Variants in METTL21A observed in about 807,000 individuals in gnomAD.
METTL21A encodes protein N-lysine methyltransferase METTL21A.
Under a neutral mutation model 20.9 loss-of-function variants are expected in METTL21A, and 22 were observed. The observed-to-expected ratio is 1.05, with a 90% CI of 0.75 to 1.50. The LOEUF is 1.50. Ranked by LOEUF, METTL21A falls within the 40% of genes most tolerant of loss-of-function variation. METTL21A has a pLI of 0.00. For missense variants in METTL21A, 271 were observed against 266.8 expected, an observed-to-expected ratio of 1.02 and a Z score of -0.11; for synonymous variants, 93 against 102.0, an observed-to-expected ratio of 0.91 and a Z score of 0.53.
chr2:207,621,898 T>C (rs770484018), exon 3 of METTL21A: 1 of 1,614,066 alleles, frequency 6.2e-7, no homozygotes, highest in Non-Finnish European at 8.5e-7. Flanking sequence ...CATCTCCAGG[T>C]ATGTGGAAAG....
chr2:207,583,073 G>A (rs1396185977), intron 3 of METTL21A, among the ~76,000 whole-genome samples: 7 of 151,868 alleles, frequency 4.6e-5, no homozygotes, highest in African/African-American at 1.7e-4. Flanking sequence ...AAATAAAAAA[G>A]TAACCTAGTA....
downstream of METTL21A, chr2:207,581,208 A>C (rs1439523472): frequency 9.7e-6 from 2 of 205,658 alleles, no homozygotes; most frequent in African/African-American, 4.6e-5. Flanking sequence ...TTAACAAATA[A>C]TGTCAGAAGA....
chr2:207,594,528 T>C (rs2085738070), intron 3 of METTL21A, among the ~76,000 whole-genome samples: 1 of 152,198 alleles, frequency 6.6e-6, no homozygotes, highest in Admixed American at 6.5e-5. Flanking sequence ...AAGGTTCATC[T>C]ACGTTTTGGC....
chr2:207,585,436 G>T (rs2083648471), intron 3 of METTL21A, among the ~76,000 whole-genome samples: 1 of 152,088 alleles, frequency 6.6e-6, no homozygotes, highest in South Asian at 2.1e-4. Context: ...TACAGTAAAA[G>T]TCTTTCTCTA....
chr2:207,620,033 T>C (rs528587880), intron 3 of METTL21A, among the ~76,000 whole-genome samples: 35 of 152,344 alleles, frequency 2.3e-4, no homozygotes, highest in African/African-American at 8.2e-4. Context: ...AACATGTCTA[T>C]ACACCAGCCA....
At chr2:207,610,881 C>T (rs1483247102), downstream of METTL21A, 1 of 24,934 alleles carries the variant, frequency 4.0e-5, no homozygotes, top group African/African-American at 1.6e-4. Flanking sequence ...AGTGAGGAGC[C>T]CCTCTGCCCG....
At chr2:207,586,637 A>T (rs571583000) in intron 3 of METTL21A, among the ~76,000 whole-genome samples, 1 of 152,334 alleles carries the variant, frequency 6.6e-6, no homozygotes, top group South Asian at 2.1e-4. Context: ...GAATGGGAGG[A>T]ATATTTACAA....
chr2:207,593,909 G>A (rs1482559651), intron 3 of METTL21A, among the ~76,000 whole-genome samples: 1 of 151,980 alleles, frequency 6.6e-6, no homozygotes, highest in Non-Finnish European at 1.5e-5. Context: ...AGTAGAGACA[G>A]AGTTTCGCCA....
chr2:207,592,421 T>A (rs2085225167), intron 3 of METTL21A, among the ~76,000 whole-genome samples: 2 of 150,430 alleles, frequency 1.3e-5, no homozygotes, highest in African/African-American at 2.4e-5. Context: ...TAAAAAAAGA[T>A]GTCACTTTTT....
In METTL21A at chr2:207,591,210, GGA is replaced by G. The variant is rs113355586; in HGVS notation, c.260-9052_260-9051del. Among the ~76,000 whole-genome samples, 1,004 of 152,256 alleles carry G rather than the reference GGA, an allele frequency of 6.6e-3. 13 individuals are homozygous for G. The highest frequency in any genetic ancestry group is 0.023 in the African/African-American group (956 of 41,548). Reference sequence around the variant, plus strand: ...TCTACTTAGTCTATCATCACTGACAGGAGAGTGTATTAAGGCATTCATCCCTT... The same window carrying G: ...TCTACTTAGTCTATCATCACTGACAGGAGTGTATTAAGGCATTCATCCCTT... On this transcript the variant is annotated intron_variant, in intron 3 of 3. Coordinates refer to the METTL21A transcript ENST00000425132.
intron 3 of METTL21A, chr2:207,598,584 C>T (rs555183342): frequency 1.8e-4 from 31 of 174,778 alleles, no homozygotes; most frequent in African/African-American, 6.9e-4. Flanking sequence ...CAGTGGCTCA[C>T]GCCTGTAATC....
chr2:207,584,415 T>C (rs2083447781), intron 3 of METTL21A, among the ~76,000 whole-genome samples: 1 of 152,182 alleles, frequency 6.6e-6, no homozygotes, highest in African/African-American at 2.4e-5. Context: ...CTTTTTTTTT[T>C]TGAGACGGAG....
chr2:207,581,090 G>A (rs1163149155), downstream of METTL21A: 1 of 211,846 alleles, frequency 4.7e-6, no homozygotes, highest in East Asian at 7.1e-5. Context: ...GATTTTAAAA[G>A]CAGATTCCCT....
exon 4 of METTL21A, chr2:207,613,122 C>T: frequency 6.2e-7 from 1 of 1,611,870 alleles, no homozygotes; most frequent in Non-Finnish European, 8.5e-7. Context: ...GTGAACCTTT[C>T]TCACAGTAAA....
chr2:207,605,270 G>C (rs1197021165), downstream of METTL21A, among the ~76,000 whole-genome samples: 1 of 152,084 alleles, frequency 6.6e-6, no homozygotes, highest in Non-Finnish European at 1.5e-5. Context: ...TCATGGGTGT[G>C]GTCTCTCATT....
intron 3 of METTL21A, chr2:207,597,626 G>A (rs1575046836): frequency 4.8e-6 from 1 of 208,500 alleles, no homozygotes; most frequent in East Asian, 7.3e-5. Context: ...AAATGAATTT[G>A]GAGTGCTTTT....
At chr2:207,583,633 A>G (rs921417208) in intron 3 of METTL21A, among the ~76,000 whole-genome samples, 4 of 152,274 alleles carry the variant, frequency 2.6e-5, no homozygotes, top group African/African-American at 9.6e-5. Context: ...ATTTGTCACA[A>G]TCTTCAGTCT....
chr2:207,592,950 A>G (rs1348301143), intron 3 of METTL21A, among the ~76,000 whole-genome samples: 1 of 100,534 alleles, frequency 9.9e-6, no homozygotes, highest in Non-Finnish European at 2.1e-5. Context: ...CTTTCTTCAA[A>G]TATTTTTCCG....
At position 207,602,807 on chromosome 2, in the gene METTL21A, G is replaced by A. The variant is rs1482844756; in HGVS notation, c.259+18999C>T. ...TTTTTTTGAGTATAGATTTATTAGGGGTGGCAAAGAAGAGTGCTAGTTAGC... is the reference window on the plus strand; with the variant it reads ...TTTTTTTGAGTATAGATTTATTAGGAGTGGCAAAGAAGAGTGCTAGTTAGC... On this transcript the variant is annotated intron_variant, in intron 3 of 3. Transcript: ENST00000425132. 2.8e-5 allele frequency: 6 copies of A among 217,640 alleles called. No homozygotes were observed. In the South Asian group the frequency reaches 1.1e-3, roughly 40 times the overall value. 13.5% of individuals were successfully genotyped at this position (217,640 alleles called of 1,614,324 possible).
Sources: gnomAD v4.1 joint callset for allele counts (sites outside exome capture counted in the v4.1 genomes callset) on GRCh38, gnomAD v4.1.1 for gene constraint, MANE v1.5 for transcripts, NCBI Gene and HGNC (gene_info 2026-07-23, HGNC 2026-07-21) for gene names.